The following CACNA2D1 variants were observed in gnomAD, a reference collection of about 807,000 sequenced individuals.
The protein encoded by CACNA2D1 is calcium voltage-gated channel auxiliary subunit alpha2delta 1.
A neutral mutation model predicts 171.5 loss-of-function variants in CACNA2D1; 53 were observed. That is an observed-to-expected ratio of 0.31 (90% CI 0.25 to 0.39). The LOEUF (loss-of-function observed/expected upper bound fraction) is 0.39. Ranked by LOEUF, CACNA2D1 falls within the 10% of genes least tolerant of loss-of-function variation. The pLI is 1.00. For synonymous variants in CACNA2D1, 442 were observed against 443.1 expected (o/e 1.00, Z 0.03); for missense variants, 903 against 1,299.8 (o/e 0.69, Z 4.69).
Position 81,950,391 on chromosome 7 carries a change from G to A in CACNA2D1, c.*1C>T. On this transcript the variant is annotated 3_prime_UTR_variant, in exon 39 of 39. Transcript: ENST00000356860. ...ACTATGCAGATTTGGTTTTTAGAAG[G>A]TCATAACAGGCGGTGTGTGCTGCCA... 3 of 1,613,136 alleles carry A rather than the reference G, an allele frequency of 1.9e-6. No homozygotes were observed. Among genetic ancestry groups the A allele is most frequent in the Non-Finnish European group, 2.5e-6 (3 of 1,179,448 alleles).
chr7:82,334,206 A>G (rs529670201), intron 3 of CACNA2D1, among the ~76,000 whole-genome samples: 36 of 152,188 alleles, frequency 2.4e-4, no homozygotes, highest in Non-Finnish European at 4.6e-4. Flanking sequence ...CAGAATATGT[A>G]TCAATGTGGG....
At chr7:82,377,433 A>C (rs3801686) in intron 1 of CACNA2D1, among the ~76,000 whole-genome samples, 6 of 151,984 alleles carry the variant, frequency 3.9e-5, no homozygotes, top group Middle Eastern at 3.2e-3. Context: ...AGTAATTCTA[A>C]CAAGAATGCA....
chr7:82,089,007 G>A (rs931777056), intron 6 of CACNA2D1, among the ~76,000 whole-genome samples: 1 of 152,078 alleles, frequency 6.6e-6, no homozygotes, highest in Non-Finnish European at 1.5e-5. Flanking sequence ...CCTGACAGAA[G>A]GCAGAGCTCA....
intron 19 of CACNA2D1, 38 bp downstream of exon 19, chr7:81,997,141 G>C (rs757072943): frequency 8.6e-7 from 1 of 1,165,550 alleles, no homozygotes; most frequent in Non-Finnish European, 1.3e-6. Context: ...ACCAGCATCT[G>C]ACCTGAGGAA....
rs142229024 is a variant in CACNA2D1 at position 82,190,963 on chromosome 7, T to C, written c.295-20354A>G. ...CAAAATATGTTCCATTGTATATGTA[T>C]AGGTAAACAATTAACTTTTAATAGG... On this transcript the variant is annotated intron_variant, in intron 3 of 38. Transcript: ENST00000356860. Among the ~76,000 whole-genome samples the C allele has an allele frequency of 2.8e-3, 426 of 151,836 alleles. 2 individuals are homozygous for C. The highest frequency in any genetic ancestry group is 9.8e-3 in the African/African-American group (407 of 41,520).
chr7:82,116,541 C>T (rs924643185), intron 6 of CACNA2D1, among the ~76,000 whole-genome samples: 2 of 152,118 alleles, frequency 1.3e-5, no homozygotes, highest in Admixed American at 1.3e-4. Context: ...GAGGAAGGTA[C>T]TCTTTACCTA....
rs539578460 is a variant in CACNA2D1, at chr7:82,017,091, G to C, written c.1144-2612C>G. 3.3e-5 allele frequency among the ~76,000 whole-genome samples: 5 copies of C among 151,742 alleles called. No individual in the cohort carries two copies. The East Asian group carries it at 9.7e-4, about 29-fold the overall frequency. ...CAAGATTATTTTATCTTGGTTTTACGTATATGTATGTATATATACACACAC... is the reference window on the plus strand; with the variant it reads ...CAAGATTATTTTATCTTGGTTTTACCTATATGTATGTATATATACACACAC... On this transcript the variant is annotated intron_variant, in intron 12 of 38. Transcript: ENST00000356860.
chr7:82,207,611 C>G (rs930444026), intron 3 of CACNA2D1, among the ~76,000 whole-genome samples: 3 of 151,976 alleles, frequency 2.0e-5, no homozygotes, highest in African/African-American at 7.2e-5. Flanking sequence ...GTTATCAGGA[C>G]AGAGGCAATT....
At chr7:82,163,586 C>T (rs1584967247) in intron 4 of CACNA2D1, among the ~76,000 whole-genome samples, 1 of 151,946 alleles carries the variant, frequency 6.6e-6, no homozygotes, top group Non-Finnish European at 1.5e-5. Flanking sequence ...ATGAATGAGC[C>T]GTTTTCTTCA....
rs1464686053 is a variant in CACNA2D1, at chr7:82,012,289, G to A, written c.1273-46C>T. ...AAAAGTCGTGGTTAAAACTAGGAAT[G>A]CTGTGTTGAAATAAAAATTACAGAG... On this transcript the variant is annotated intron_variant, in intron 14 of 38. Transcript: ENST00000356860. The A allele has an allele frequency of 4.0e-6, 4 of 993,080 alleles. No individual in the cohort carries two copies. In the South Asian group the frequency reaches 5.2e-5, roughly 13 times the overall value. 61.5% of individuals were successfully genotyped at this position (993,080 alleles called of 1,614,324 possible).
chr7:81,999,949 C>G lies in CACNA2D1; in HGVS notation c.1591-2699G>C, dbSNP rs984231783. On this transcript the variant is annotated intron_variant, in intron 18 of 38. Transcript: ENST00000356860. ...AGGGCAGTGGCTCTGCACTTTAGACCTCCATGGGGAGCTTTAAAAACTATT... is the reference window on the plus strand; with the variant it reads ...AGGGCAGTGGCTCTGCACTTTAGACGTCCATGGGGAGCTTTAAAAACTATT... Among the ~76,000 whole-genome samples, 3 of 152,104 alleles carry G rather than the reference C, an allele frequency of 2.0e-5. No individual in the cohort carries two copies. The East Asian group carries it at 5.8e-4, about 29-fold the overall frequency.
chr7:82,023,113 T>C (rs996280103), intron 12 of CACNA2D1, among the ~76,000 whole-genome samples: 2 of 151,910 alleles, frequency 1.3e-5, no homozygotes, highest in African/African-American at 4.8e-5. Flanking sequence ...TGTCTGGTTT[T>C]ACTTTCCTTT....
intron 1 of CACNA2D1, among the ~76,000 whole-genome samples, chr7:82,356,872 TATTA>T (rs1238882685): frequency 1.3e-5 from 2 of 152,122 alleles, no homozygotes; most frequent in African/African-American, 4.8e-5. Flanking sequence ...ATTTTGTGTG[TATTA>T]ATTGTCATAG....
chr7:82,425,744 C>A (rs1231781417), intron 1 of CACNA2D1, among the ~76,000 whole-genome samples: 2 of 151,170 alleles, frequency 1.3e-5, no homozygotes, highest in Non-Finnish European at 1.5e-5. Flanking sequence ...CATCCTCCCG[C>A]CTCAGCCTCC....
At chr7:82,016,611 C>T (rs1324938067) in intron 12 of CACNA2D1, among the ~76,000 whole-genome samples, 1 of 466 alleles carries the variant, frequency 2.1e-3, no homozygotes. Context: ...TAGCCGCCCG[C>T]CCCCCCCCCC....
At chr7:82,172,061 C>A (rs1163834917) in intron 3 of CACNA2D1, among the ~76,000 whole-genome samples, 3 of 151,860 alleles carry the variant, frequency 2.0e-5, no homozygotes, top group African/African-American at 7.3e-5. Flanking sequence ...AGTGGGAGAT[C>A]TCAATTTAAG....
At chr7:81,973,409 C>T (rs1036227722) in intron 25 of CACNA2D1, among the ~76,000 whole-genome samples, 1 of 151,974 alleles carries the variant, frequency 6.6e-6, no homozygotes, top group African/African-American at 2.4e-5. Context: ...CTAATCTGTG[C>T]TAAAGTGAAG....
chr7:82,428,595 C>T (rs941384278), intron 1 of CACNA2D1, among the ~76,000 whole-genome samples: 21 of 152,198 alleles, frequency 1.4e-4, no homozygotes, highest in Non-Finnish European at 2.8e-4. Context: ...TCTCATGGCT[C>T]CACATTAGAA....
intron 3 of CACNA2D1, among the ~76,000 whole-genome samples, chr7:82,265,220 G>A (rs1807672780): frequency 6.6e-6 from 1 of 152,056 alleles, no homozygotes; most frequent in Admixed American, 6.6e-5. Flanking sequence ...AATTGCATCA[G>A]GTCTCTCAAT....
Sources: allele counts gnomAD v4.1 joint callset (sites outside exome capture counted in the v4.1 genomes callset), GRCh38; gene constraint gnomAD v4.1.1; transcripts MANE v1.5; gene names NCBI Gene and HGNC (gene_info 2026-07-23, HGNC 2026-07-21).